The following IMMP2L variants were observed in gnomAD, a reference collection of about 807,000 sequenced individuals.
IMMP2L encodes mitochondrial inner membrane protease subunit 2.
A neutral mutation model predicts 19.3 loss-of-function variants in IMMP2L; 18 were observed. The ratio of observed to expected loss-of-function variants is 0.93; its 90% CI spans 0.64 to 1.38. The LOEUF (loss-of-function observed/expected upper bound fraction) is 1.38, where lower values mean the gene tolerates loss of function less well. Among genes scored for constraint, IMMP2L ranks in the 40% most tolerant of loss-of-function variants. The pLI is 0.00. For missense variants in IMMP2L, 233 were observed against 218.2 expected (o/e 1.07, Z -0.43); for synonymous variants, 76 against 73.0 (o/e 1.04, Z -0.21).
intron 3 of IMMP2L, among the ~76,000 whole-genome samples, chr7:111,398,874 A>G (rs1833141031): frequency 6.6e-6 from 1 of 150,566 alleles, no homozygotes; most frequent in African/African-American, 2.5e-5. Flanking sequence ...CCCCTTTTAC[A>G]ATAGCTGCAA....
chr7:110,960,049 T>C (rs1368408998), intron 4 of IMMP2L, among the ~76,000 whole-genome samples: 3 of 151,996 alleles, frequency 2.0e-5, no homozygotes, highest in African/African-American at 7.2e-5. Flanking sequence ...TAATGATCCA[T>C]CTGAGTTAAA....
At chr7:110,999,895 G>A (rs1161715353) in intron 3 of IMMP2L, among the ~76,000 whole-genome samples, 1 of 152,126 alleles carries the variant, frequency 6.6e-6, no homozygotes, top group African/African-American at 2.4e-5. Flanking sequence ...ATGGTGGAGG[G>A]AATCAAAGGT....
intron 3 of IMMP2L, among the ~76,000 whole-genome samples, chr7:110,989,848 AGTT>A (rs1822271459): frequency 6.6e-6 from 1 of 151,914 alleles, no homozygotes; most frequent in Non-Finnish European, 1.5e-5. Flanking sequence ...GCAGGGAAAA[AGTT>A]AATAACACCT....
chr7:110,893,229 C>A (rs1810985510), intron 4 of IMMP2L, among the ~76,000 whole-genome samples: 1 of 152,106 alleles, frequency 6.6e-6, no homozygotes, highest in South Asian at 2.1e-4. Flanking sequence ...CTGACAGACA[C>A]ACAAAACCAA....
At chr7:111,534,423 C>A (rs1248619595) in intron 1 of IMMP2L, among the ~76,000 whole-genome samples, 1 of 151,988 alleles carries the variant, frequency 6.6e-6, no homozygotes, top group Admixed American at 6.6e-5. Flanking sequence ...ATTTTATACA[C>A]ACACAGCATC....
intron 3 of IMMP2L, among the ~76,000 whole-genome samples, chr7:111,447,874 A>C (rs1431383354): frequency 1.5e-4 from 23 of 151,374 alleles, no homozygotes; most frequent in South Asian, 1.3e-3. Flanking sequence ...TCTACCAAGC[A>C]AATGGAAAAC....
chr7:110,685,816 T>C (rs901356432), intron 5 of IMMP2L, among the ~76,000 whole-genome samples: 7 of 152,098 alleles, frequency 4.6e-5, no homozygotes, highest in African/African-American at 1.7e-4. Context: ...AACATCCCTA[T>C]GAGACCTTTG....
chr7:111,144,789 G>A (rs960218338), intron 3 of IMMP2L, among the ~76,000 whole-genome samples: 1 of 152,114 alleles, frequency 6.6e-6, no homozygotes, highest in African/African-American at 2.4e-5. Flanking sequence ...TGCCAGTACT[G>A]AGTAAACAAT....
At chr7:111,124,164 C>A (rs1369684035) in intron 3 of IMMP2L, 1 of 1,613,920 alleles carries the variant, frequency 6.2e-7, no homozygotes, top group Admixed American at 1.7e-5. Flanking sequence ...GTCAAAAACT[C>A]TTGCCTAATA....
At chr7:110,904,532 C>A (rs894820842) in intron 4 of IMMP2L, among the ~76,000 whole-genome samples, 1 of 152,174 alleles carries the variant, frequency 6.6e-6, no homozygotes, top group Non-Finnish European at 1.5e-5. Context: ...GTATTCTTGG[C>A]ATCCTTTTCA....
chr7:110,850,115 A>G (rs141795330), intron 5 of IMMP2L, among the ~76,000 whole-genome samples: 7 of 152,102 alleles, frequency 4.6e-5, no homozygotes, highest in Admixed American at 2.6e-4. Context: ...GTCAGAAAAT[A>G]TAATGCATAA....
chr7:111,471,407 T>C (rs567703567), intron 3 of IMMP2L, among the ~76,000 whole-genome samples: 5 of 152,152 alleles, frequency 3.3e-5, no homozygotes, highest in African/African-American at 1.2e-4. Context: ...TTCATGGGTA[T>C]AGATATAAAG....
chr7:111,085,962 C>A (rs1037080095), intron 3 of IMMP2L, among the ~76,000 whole-genome samples: 1 of 151,972 alleles, frequency 6.6e-6, no homozygotes, highest in Non-Finnish European at 1.5e-5. Context: ...ACTGGTGCCT[C>A]CTGGAGGGTT....
chr7:110,892,376 C>A (rs1810890989), intron 4 of IMMP2L, among the ~76,000 whole-genome samples: 1 of 152,056 alleles, frequency 6.6e-6, no homozygotes, highest in African/African-American at 2.4e-5. Flanking sequence ...TATTACCACC[C>A]TAAAATTATC....
At chr7:111,206,664 C>A (rs893797509) in intron 3 of IMMP2L, among the ~76,000 whole-genome samples, 2 of 152,254 alleles carry the variant, frequency 1.3e-5, no homozygotes, top group African/African-American at 4.8e-5. Context: ...CAATTATACT[C>A]TTTCAGTTAT....
rs1800782781 is a variant in IMMP2L, at chr7:111,122,596, G to A, written c.240-159031C>T. The A allele has an allele frequency of 1.0e-5, 6 of 585,458 alleles. No homozygotes were observed. In the South Asian group the frequency reaches 1.4e-4, roughly 14 times the overall value. The allele number at this position is 585,458 out of a possible 1,614,324, so 36.3% of individuals were successfully genotyped here. On this transcript the variant is annotated intron_variant, in intron 3 of 5. Transcript: ENST00000405709. ...CTTCTCCAATATGCATGACATTTTT[G>A]GACAATGCAATTGTGGCACTGGCAC...
intron 5 of IMMP2L, among the ~76,000 whole-genome samples, chr7:110,865,549 A>T (rs1025968356): frequency 6.6e-6 from 1 of 152,036 alleles, no homozygotes; most frequent in African/African-American, 2.4e-5. Flanking sequence ...GAAGAATCTT[A>T]GTAACAGATG....
At chr7:111,098,519 A>G (rs946912011) in intron 3 of IMMP2L, among the ~76,000 whole-genome samples, 2 of 151,818 alleles carry the variant, frequency 1.3e-5, no homozygotes, top group East Asian at 3.9e-4. Flanking sequence ...TAATGTAAGC[A>G]GAGCCCTTAT....
intron 5 of IMMP2L, among the ~76,000 whole-genome samples, chr7:110,821,478 A>T (rs1425338338): frequency 6.6e-6 from 1 of 152,158 alleles, no homozygotes; most frequent in African/African-American, 2.4e-5. Flanking sequence ...ATATAAAAAA[A>T]ATGTGATCCT....
Sources: gnomAD v4.1 joint callset for allele counts (sites outside exome capture counted in the v4.1 genomes callset) on GRCh38, gnomAD v4.1.1 for gene constraint, MANE v1.5 for transcripts, NCBI Gene and HGNC (gene_info 2026-07-23, HGNC 2026-07-21) for gene names.